The following LRRC37A3 variants were observed in gnomAD, a reference collection of about 807,000 sequenced individuals.
LRRC37A3 encodes leucine-rich repeat-containing protein 37A3.
A neutral mutation model predicts 106.2 loss-of-function variants in LRRC37A3; 25 were observed. That is an observed-to-expected ratio of 0.24 (90% CI 0.17 to 0.33). LRRC37A3 has a LOEUF of 0.33. Among genes scored for constraint, LRRC37A3 ranks in the 10% least tolerant of loss-of-function variants. The pLI, the probability that LRRC37A3 is intolerant of heterozygous loss-of-function variation, is 1.00. For synonymous variants in LRRC37A3, 305 were observed against 635.8 expected (o/e 0.48, Z 7.83); for missense variants, 712 against 1,644.9 (o/e 0.43, Z 9.81).
intron 10 of LRRC37A3, among the ~76,000 whole-genome samples, chr17:64,864,997 A>C (rs1338939071): frequency 6.6e-6 from 1 of 152,200 alleles, no homozygotes; most frequent in African/African-American, 2.4e-5. Context: ...TTGGCCTGAC[A>C]CATCTTTCAA....
At chr17:64,864,043 G>A (rs1972975178) in intron 10 of LRRC37A3, among the ~76,000 whole-genome samples, 2 of 149,602 alleles carry the variant, frequency 1.3e-5, no homozygotes, top group Non-Finnish European at 3.0e-5. Context: ...TGCTCAGGCT[G>A]GTGTAGAACT....
chr17:64,905,011 ATTAG>A (rs1488839348), intron 2 of LRRC37A3, among the ~76,000 whole-genome samples: 181 of 150,514 alleles, frequency 1.2e-3, no homozygotes, highest in African/African-American at 4.1e-3. Context: ...CTCTCTCAAA[ATTAG>A]TTAATTAATA....
At position 64,860,426 on chromosome 17, in the gene LRRC37A3, C is replaced by T. The variant is rs761462032; in HGVS notation, c.3720G>A (p.Glu1240=). The change falls in exon 12 of 15, where the codon GAG becomes GAA. Residue 1240 remains glutamate (E), a synonymous_variant. Coordinates refer to ENST00000584306, the MANE Select transcript of LRRC37A3 (RefSeq NM_199340.5). ...AVYTKPSFTQ[E]HKAAVSVLKP... ...TCAGCACAGAGACTGCTGCCTTATGCTCTTGGGTGAACGAAGGCTTGGTGT... is the reference window on the plus strand; with the variant it reads ...TCAGCACAGAGACTGCTGCCTTATGTTCTTGGGTGAACGAAGGCTTGGTGT... The T allele has an allele frequency of 1.9e-6, 3 of 1,613,976 alleles. No homozygotes were observed. Among genetic ancestry groups the T allele is most frequent in the East Asian group, 2.2e-5 (1 of 44,880 alleles).
At chr17:64,865,289 G>A (rs980985446) in intron 10 of LRRC37A3, among the ~76,000 whole-genome samples, 10 of 152,154 alleles carry the variant, frequency 6.6e-5, no homozygotes, top group African/African-American at 2.4e-4. Context: ...AACTACAGGT[G>A]TGTGCCACCA....
Position 64,916,172 on chromosome 17 carries a change from G to A in LRRC37A3, c.-496+2578C>T, listed in dbSNP as rs550582079. 2.2e-3 allele frequency among the ~76,000 whole-genome samples: 339 copies of A among 152,226 alleles called. 3 individuals are homozygous for A. The highest frequency in any genetic ancestry group is 2.4e-3 in the Admixed American group (36 of 15,292). ...TGTAATCCCAGCACTCTGGGAGGCC[G>A]AGGCAGGAGGATCACAAGGTCAGGA... On this transcript the variant is annotated intron_variant, in intron 2 of 14. Coordinates refer to ENST00000584306, the MANE Select transcript of LRRC37A3 (RefSeq NM_199340.5).
chr17:64,861,469 A>G (rs532758816), intron 11 of LRRC37A3, among the ~76,000 whole-genome samples: 21 of 152,168 alleles, frequency 1.4e-4, no homozygotes, highest in Non-Finnish European at 3.1e-4. Context: ...TGGAGATGCT[A>G]AAGTGGAGGC....
intron 10 of LRRC37A3, among the ~76,000 whole-genome samples, chr17:64,866,608 A>G (rs1276769508): frequency 5.2e-5 from 1 of 19,412 alleles, no homozygotes; most frequent in Non-Finnish European, 8.5e-5. Context: ...ATATATATAT[A>G]TATATATATA....
chr17:64,862,582 T>G lies in LRRC37A3; in HGVS notation c.3172+318A>C, dbSNP rs373462525. ...ACTACATTGCACTATATGAAGAAAT[T>G]ATCACTGTGGGCAAAGCATCAAGCA... is the stretch of plus-strand genomic sequence containing the variant. On this transcript the variant is annotated intron_variant, in intron 11 of 14. Coordinates refer to ENST00000584306, the MANE Select transcript of LRRC37A3 (RefSeq NM_199340.5). Among the ~76,000 whole-genome samples, 167 of 151,952 alleles carry G rather than the reference T, an allele frequency of 1.1e-3. 1 individual carries two copies. Among genetic ancestry groups the G allele is most frequent in the East Asian group, 7.7e-3 (40 of 5,174 alleles).
At chr17:64,874,313 G>A (rs1272858318) in intron 8 of LRRC37A3, among the ~76,000 whole-genome samples, 8 of 152,148 alleles carry the variant, frequency 5.3e-5, no homozygotes, top group Non-Finnish European at 1.2e-4. Context: ...CGTCTGGGAG[G>A]TGAGGAGCGT....
chr17:64,881,274 A>T, intron 8 of LRRC37A3: 1 of 694,064 alleles, frequency 1.4e-6, no homozygotes, highest in South Asian at 1.5e-5. Context: ...ATGAAGTCTC[A>T]CTCTGTTGCC....
At chr17:64,908,829 G>A (rs1974520240) in intron 2 of LRRC37A3, among the ~76,000 whole-genome samples, 1 of 145,108 alleles carries the variant, frequency 6.9e-6, no homozygotes, top group South Asian at 2.1e-4. Flanking sequence ...TTAAGAGGCT[G>A]AGGCAGGAGG....
At chr17:64,877,714 A>G (rs944794091) in intron 8 of LRRC37A3, among the ~76,000 whole-genome samples, 2 of 152,228 alleles carry the variant, frequency 1.3e-5, no homozygotes, top group African/African-American at 4.8e-5. Context: ...ATAATCTTGT[A>G]AAATAACAAA....
At chr17:64,861,039 C>A in intron 11 of LRRC37A3, 66 bp from the exon 12 acceptor site, 1 of 1,609,714 alleles carries the variant, frequency 6.2e-7, no homozygotes, top group Non-Finnish European at 8.5e-7. Flanking sequence ...CAGTCCATAG[C>A]TGTACACTCC....
intron 13 of LRRC37A3, among the ~76,000 whole-genome samples, chr17:64,858,465 G>A (rs1267825673): frequency 6.6e-6 from 1 of 152,148 alleles, no homozygotes; most frequent in Non-Finnish European, 1.5e-5. Context: ...GCAGAGTAAG[G>A]GTGACTTGGT....
chr17:64,917,821 C>A (rs146684065), intron 2 of LRRC37A3, among the ~76,000 whole-genome samples: 9,867 of 138,610 alleles, frequency 0.071, 1,600 homozygotes, highest in African/African-American at 0.32. Context: ...ACCAAAAATT[C>A]GCCAGGCGTA....
At chr17:64,883,196 A>G (rs984365720) in intron 8 of LRRC37A3, among the ~76,000 whole-genome samples, 2 of 152,156 alleles carry the variant, frequency 1.3e-5, no homozygotes, top group Non-Finnish European at 2.9e-5. Flanking sequence ...CCTTTCCCCA[A>G]TGCAAAACCT....
At chr17:64,869,532 ATTTTTTT>A (rs1157660467) in intron 8 of LRRC37A3, among the ~76,000 whole-genome samples, 2 of 125,120 alleles carry the variant, frequency 1.6e-5, no homozygotes, top group South Asian at 2.4e-4. Context: ...TTGTTCATCT[ATTTTTTT>A]TTTTTTTTTT....
In LRRC37A3 at chr17:64,861,224, T is replaced by C. The variant is rs548688004; in HGVS notation, c.3173-251A>G. Among the ~76,000 whole-genome samples the C allele has an allele frequency of 3.9e-5, 6 of 152,206 alleles. No individual in the cohort carries two copies. The East Asian group carries it at 1.2e-3, about 29-fold the overall frequency. On this transcript the variant is annotated intron_variant, in intron 11 of 14. Transcript: ENST00000584306. ...TGACATAGAGTAACTCTGTTTAGGA[T>C]TATTTCGTTGATCCCCAGAGGCCAA...
rs140840024 is a variant in LRRC37A3 at position 64,859,787 on chromosome 17, G to C, written c.4359C>G (p.Asp1453Glu). The C allele has an allele frequency of 7.4e-6, 12 of 1,612,210 alleles. No homozygotes were observed. The African/African-American group carries it at 1.5e-4, about 20-fold the overall frequency. The change falls in exon 12 of 15, where the codon GAC (aspartate) becomes GAG (glutamate). Residue 1453 changes from aspartate (D) to glutamate (E), a missense_variant. By Grantham distance (45) the Asp-to-Glu change is conservative. Coordinates refer to ENST00000584306, the MANE Select transcript of LRRC37A3 (RefSeq NM_199340.5). ...TGAAGCTTTTGGGCTCGGGGGACAG[G>C]TCAGTGCCCACGTTGTTGTATTCCC... ...TKWEYNNVGT[D>E]LSPEPKSFNY...
Sources: allele counts gnomAD v4.1 joint callset (sites outside exome capture counted in the v4.1 genomes callset), GRCh38; gene constraint gnomAD v4.1.1; transcripts MANE v1.5; gene names NCBI Gene and HGNC (gene_info 2026-07-23, HGNC 2026-07-21).